The following ANO3 variants were observed in gnomAD, a reference collection of about 807,000 sequenced individuals.
The protein encoded by ANO3 is anoctamin 3.
In ANO3, 99 loss-of-function variants were observed where a neutral mutation model predicts 144.8. That is an observed-to-expected ratio of 0.68 (90% CI 0.58 to 0.81). The LOEUF is 0.81. Among genes scored for constraint, ANO3 ranks in the 30% least tolerant of loss-of-function variants. ANO3 has a pLI of 0.00. For synonymous variants in ANO3, 414 were observed against 392.6 expected (o/e 1.05, Z -0.64); for missense variants, 905 against 1,202.2 (o/e 0.75, Z 3.66).
At chr11:26,547,687 G>C in intron 12 of ANO3, 137 bp downstream of exon 12, 1 of 874,968 alleles carries the variant, frequency 1.1e-6, no homozygotes, top group Non-Finnish European at 1.7e-6. Flanking sequence ...CTGTTTTTTG[G>C]CTTTTGTTTT....
At position 26,656,467 on chromosome 11, in the gene ANO3, A is replaced by C; in HGVS notation, c.2749A>C (p.Ile917Leu). ...WHILAARLAF[I>L]IVFEHLVFGI... Reference sequence around the variant, plus strand: ...TATCCTTGCTGCTAGATTGGCCTTCATTATTGTGTTTGAGGTTAGTCACAA... The same window carrying C: ...TATCCTTGCTGCTAGATTGGCCTTCCTTATTGTGTTTGAGGTTAGTCACAA... The change falls in exon 26 of 27, where the codon ATT becomes CTT. Residue 917 changes from isoleucine to leucine, a missense_variant. Ile to Leu is a conservative substitution (Grantham distance 5, BLOSUM62 2). Coordinates refer to ENST00000256737, the MANE Select transcript of ANO3 (RefSeq NM_031418.4). 6.2e-7 allele frequency: 1 copy of C among 1,605,628 alleles called. No homozygotes were observed. Among genetic ancestry groups the C allele is most frequent in the Non-Finnish European group, 8.5e-7 (1 of 1,172,434 alleles).
At chr11:26,482,036 G>A (rs1234984762) in intron 4 of ANO3, among the ~76,000 whole-genome samples, 4 of 151,936 alleles carry the variant, frequency 2.6e-5, no homozygotes, top group Middle Eastern at 3.4e-3. Context: ...GGGAGCACAG[G>A]CACATGCTAC....
chr11:26,492,623 C>T (rs1352674641), intron 4 of ANO3, among the ~76,000 whole-genome samples: 1 of 152,166 alleles, frequency 6.6e-6, no homozygotes, highest in Non-Finnish European at 1.5e-5. Flanking sequence ...ACGATAAGTA[C>T]AGGGCATTAA....
intron 22 of ANO3, among the ~76,000 whole-genome samples, 152 bp from the exon 23 acceptor site, chr11:26,643,029 AC>A: frequency 6.6e-6 from 1 of 152,364 alleles, no homozygotes; most frequent in Admixed American, 6.5e-5. Flanking sequence ...AGTTTAATTA[AC>A]ATATATGAAA....
intron 17 of ANO3, among the ~76,000 whole-genome samples, chr11:26,606,827 A>G (rs754505338): frequency 5.9e-5 from 9 of 152,090 alleles, no homozygotes; most frequent in Non-Finnish European, 1.2e-4. Context: ...CTATCTGGTT[A>G]TTTTGCACAC....
chr11:26,408,173 C>T (rs1857338153), intron 1 of ANO3, among the ~76,000 whole-genome samples: 1 of 152,114 alleles, frequency 6.6e-6, no homozygotes, highest in South Asian at 2.1e-4. Flanking sequence ...AAACTACCAT[C>T]AGAGTGAACA....
At chr11:26,634,135 G>T (rs1852874837) in intron 18 of ANO3, 69 bp from the exon 19 acceptor site, 9 of 803,520 alleles carry the variant, frequency 1.1e-5, no homozygotes, top group African/African-American at 3.5e-5. Context: ...TGGGGTTTCT[G>T]CCTCCATGTC....
chr11:26,598,937 A>G lies in ANO3; in HGVS notation c.1610A>G (p.His537Arg), dbSNP rs1413207574. Residue 537 changes from histidine to arginine, a missense_variant, in exon 16 of 27, where the codon CAT becomes CGT. Physicochemically the swap from His to Arg is conservative, Grantham distance 29. Transcript: ENST00000256737. ...CCCATCACGGGAAAACCTGAACCAC[A>G]TCAGCCTTCCTCAGACAAAGTCACT... is the stretch of plus-strand genomic sequence containing the variant. ...VNPITGKPEPHQPSSDKVTRL... is the reference protein window; with the variant it reads ...VNPITGKPEPRQPSSDKVTRL... 2 of 1,614,100 alleles carry G rather than the reference A, an allele frequency of 1.2e-6. No homozygotes were observed. The highest frequency in any genetic ancestry group is 3.3e-5 in the Admixed American group (2 of 60,022).
At chr11:26,301,437 T>C (rs1564955978) in intron 1 of ANO3, among the ~76,000 whole-genome samples, 1 of 152,228 alleles carries the variant, frequency 6.6e-6, no homozygotes, top group African/African-American at 2.4e-5. Flanking sequence ...GAAGTACTTT[T>C]ATTTAAACAA....
chr11:26,614,318 T>C (rs1332646870), intron 17 of ANO3, among the ~76,000 whole-genome samples: 2 of 152,188 alleles, frequency 1.3e-5, no homozygotes, highest in Non-Finnish European at 2.9e-5. Flanking sequence ...TTCACCTGTT[T>C]ATTGGAAGGT....
chr11:26,295,477 A>G (rs1310622576), intron 1 of ANO3, among the ~76,000 whole-genome samples: 1 of 146,518 alleles, frequency 6.8e-6, no homozygotes, highest in Admixed American at 6.8e-5. Context: ...GTGAGCTGAG[A>G]TAGCGCCCAG....
intron 1 of ANO3, among the ~76,000 whole-genome samples, chr11:26,226,535 C>T (rs1852260721): frequency 6.6e-6 from 1 of 151,958 alleles, no homozygotes; most frequent in African/African-American, 2.4e-5. Context: ...TCCCTGGAGC[C>T]CGACTTACTT....
chr11:26,637,960 C>T (rs6484225), intron 20 of ANO3, among the ~76,000 whole-genome samples: 52,799 of 151,978 alleles, frequency 0.35, 9,764 homozygotes, highest in South Asian at 0.48. Context: ...TAAAACACAT[C>T]GGTTGTGATT....
At chr11:26,215,162 T>G (rs938729851) in intron 1 of ANO3, among the ~76,000 whole-genome samples, 2 of 151,956 alleles carry the variant, frequency 1.3e-5, no homozygotes, top group Admixed American at 6.6e-5. Context: ...TACTGTACTC[T>G]TTAGAAGGAG....
At chr11:26,405,539 G>A (rs576941479) in intron 1 of ANO3, among the ~76,000 whole-genome samples, 32 of 151,850 alleles carry the variant, frequency 2.1e-4, no homozygotes, top group African/African-American at 7.7e-4. Context: ...TTCCGTGTAG[G>A]CTAACCTATT....
intron 1 of ANO3, among the ~76,000 whole-genome samples, chr11:26,420,010 G>A (rs897903131): frequency 6.6e-6 from 1 of 151,998 alleles, no homozygotes; most frequent in South Asian, 2.1e-4. Flanking sequence ...AGTTTATACA[G>A]CCCTTCATGA....
chr11:26,222,382 C>T (rs1852164739), intron 1 of ANO3, among the ~76,000 whole-genome samples: 1 of 152,214 alleles, frequency 6.6e-6, no homozygotes, highest in South Asian at 2.1e-4. Flanking sequence ...GATACTCTCA[C>T]AGATTGGAGT....
At chr11:26,349,593 G>A (rs1350838089) in intron 1 of ANO3, among the ~76,000 whole-genome samples, 1 of 152,052 alleles carries the variant, frequency 6.6e-6, no homozygotes, top group African/African-American at 2.4e-5. Flanking sequence ...CTGTTGCCCA[G>A]GCTGGAGTGC....
In ANO3 at chr11:26,614,288, C is replaced by A. The variant is rs1590633002; in HGVS notation, c.1837-10174C>A. On this transcript the variant is annotated intron_variant, in intron 17 of 26. Transcript: ENST00000256737. The stretch of plus-strand genomic sequence containing the variant: ...ATGTGATGGCTAGCAGGCTGTTCAG[C>A]CACTTTCCTGCTGTGCAGGTTCACC... 3.9e-5 allele frequency among the ~76,000 whole-genome samples: 6 copies of A among 152,300 alleles called. No individual in the cohort carries two copies. The South Asian group carries it at 1.2e-3, about 32-fold the overall frequency.
Sources: allele counts gnomAD v4.1 joint callset (sites outside exome capture counted in the v4.1 genomes callset), GRCh38; gene constraint gnomAD v4.1.1; transcripts MANE v1.5; gene names NCBI Gene and HGNC (gene_info 2026-07-23, HGNC 2026-07-21).